The following SVEP1 variants were observed in gnomAD, a reference collection of about 807,000 sequenced individuals.
SVEP1 encodes the protein sushi, von Willebrand factor type A, EGF and pentraxin domain-containing protein 1.
A neutral mutation model predicts 367.3 loss-of-function variants in SVEP1; 164 were observed. That is an observed-to-expected ratio of 0.45 (90% CI 0.39 to 0.51). The LOEUF is 0.51. Among genes scored for constraint, SVEP1 ranks in the 20% least tolerant of loss-of-function variants. The pLI is 0.00. For synonymous variants in SVEP1, 1,666 were observed against 1,611.6 expected (o/e 1.03, Z -0.81); for missense variants, 4,117 against 4,425.3 (o/e 0.93, Z 1.98).
At chr9:110,460,462 C>CA (rs1235284630) in intron 18 of SVEP1, among the ~76,000 whole-genome samples, 1 of 152,082 alleles carries the variant, frequency 6.6e-6, no homozygotes, top group African/African-American at 2.4e-5. Context: ...TTTATAAATT[C>CA]AAAGGAGTGG....
At chr9:110,464,916 T>A (rs575229644) in intron 18 of SVEP1, among the ~76,000 whole-genome samples, 1 of 135,228 alleles carries the variant, frequency 7.4e-6, no homozygotes, top group African/African-American at 3.1e-5. Context: ...ACCTTGACTG[T>A]CAGTCCTAAT....
chr9:110,447,178 C>T, intron 24 of SVEP1, 121 bp from the exon 25 acceptor site: 1 of 928,008 alleles, frequency 1.1e-6, no homozygotes. Flanking sequence ...TACACCAAAA[C>T]AGTGCTTTAA....
intron 36 of SVEP1, among the ~76,000 whole-genome samples, chr9:110,427,163 T>C (rs1044655531): frequency 2.0e-5 from 3 of 151,900 alleles, no homozygotes; most frequent in Non-Finnish European, 4.4e-5. Context: ...CCGGGTGTGG[T>C]GGCAGGCGCC....
intron 3 of SVEP1, among the ~76,000 whole-genome samples, chr9:110,531,800 A>C (rs1047192187): frequency 1.3e-5 from 2 of 152,216 alleles, no homozygotes; most frequent in African/African-American, 2.4e-5. Context: ...GAATTAAAAC[A>C]CTACCCCAAA....
At chr9:110,483,449 C>T (rs188236968) in intron 10 of SVEP1, 137 bp downstream of exon 10, 75 of 469,682 alleles carry the variant, frequency 1.6e-4, no homozygotes, top group African/African-American at 1.3e-3. Flanking sequence ...AGCATTAAAA[C>T]ATGTTAACTT....
intron 1 of SVEP1, among the ~76,000 whole-genome samples, chr9:110,577,748 AAAAAC>A (rs1306146717): frequency 2.6e-5 from 4 of 152,256 alleles, no homozygotes; most frequent in East Asian, 1.9e-4. Context: ...ATTAAGAAAA[AAAAAC>A]AAGCCAATGT....
intron 9 of SVEP1, among the ~76,000 whole-genome samples, chr9:110,484,243 G>A (rs10120506): frequency 0.18 from 27,446 of 152,156 alleles, 3,064 homozygotes; most frequent in South Asian, 0.27. Flanking sequence ...GAGGTGGAAC[G>A]CTGGAGCTAA....
intron 40 of SVEP1, among the ~76,000 whole-genome samples, chr9:110,392,241 C>T (rs1332055815): frequency 6.6e-6 from 1 of 150,584 alleles, no homozygotes; most frequent in East Asian, 1.9e-4. Flanking sequence ...ACTTAGGTTC[C>T]TTCTCTATTT....
chr9:110,465,023 T>C (rs1828913329), intron 18 of SVEP1, among the ~76,000 whole-genome samples: 1 of 152,158 alleles, frequency 6.6e-6, no homozygotes, highest in Non-Finnish European at 1.5e-5. Context: ...TAGTCAGAAA[T>C]ACTTAAAAAT....
chr9:110,412,840 G>A (rs971423982), intron 36 of SVEP1, among the ~76,000 whole-genome samples: 4 of 152,230 alleles, frequency 2.6e-5, no homozygotes, highest in African/African-American at 9.7e-5. Flanking sequence ...ACCACAATGA[G>A]ATACCATCTC....
chr9:110,571,130 C>A (rs1294721736), intron 1 of SVEP1, among the ~76,000 whole-genome samples: 2 of 151,968 alleles, frequency 1.3e-5, no homozygotes, highest in Admixed American at 6.6e-5. Flanking sequence ...GCATGTGCCA[C>A]CACAGATGGC....
chr9:110,519,825 T>C (rs920912736), intron 3 of SVEP1, among the ~76,000 whole-genome samples: 2 of 152,180 alleles, frequency 1.3e-5, no homozygotes, highest in African/African-American at 4.8e-5. Context: ...GTTGCAATCT[T>C]GGCTCTTCCA....
intron 45 of SVEP1, among the ~76,000 whole-genome samples, chr9:110,376,650 T>C (rs1301505795): frequency 6.6e-6 from 1 of 152,220 alleles, no homozygotes; most frequent in African/African-American, 2.4e-5. Flanking sequence ...TGTTGAAATA[T>C]GAAACCATTT....
chr9:110,527,190 T>C (rs1185333650), intron 3 of SVEP1, among the ~76,000 whole-genome samples: 2 of 152,060 alleles, frequency 1.3e-5, no homozygotes, highest in Admixed American at 1.3e-4. Flanking sequence ...GGGAAAATGA[T>C]ATAGAGGATA....
At chr9:110,505,851 G>T (rs12683869) in intron 5 of SVEP1, among the ~76,000 whole-genome samples, 51,550 of 150,696 alleles carry the variant, frequency 0.34, 9,484 homozygotes, top group Non-Finnish European at 0.4. Flanking sequence ...TAAGTTCTGG[G>T]GTACAGGTGC....
At chr9:110,526,665 T>A (rs1287077513) in intron 3 of SVEP1, among the ~76,000 whole-genome samples, 1 of 152,132 alleles carries the variant, frequency 6.6e-6, no homozygotes, top group Non-Finnish European at 1.5e-5. Context: ...AATCCCACAA[T>A]TACATTCCTG....
rs561023772 is a variant in SVEP1 at position 110,448,698 on chromosome 9, G to A, written c.4103+1361C>T. Among the ~76,000 whole-genome samples, 159 of 152,242 alleles carry A rather than the reference G, an allele frequency of 1.0e-3. 1 individual carries two copies. Among genetic ancestry groups the A allele is most frequent in the Admixed American group, 2.2e-3 (34 of 15,276 alleles). On this transcript the variant is annotated intron_variant, in intron 24 of 47. Coordinates refer to ENST00000374469, the MANE Select transcript of SVEP1 (RefSeq NM_153366.4). ...TCTAGTTAGGATTTAGACAACTTTG[G>A]TATTCATCAATCGTTTTAAACCCAG...
chr9:110,479,461 T>A (rs1438438688), intron 13 of SVEP1, among the ~76,000 whole-genome samples, 174 bp downstream of exon 13: 1 of 152,234 alleles, frequency 6.6e-6, no homozygotes, highest in Non-Finnish European at 1.5e-5. Flanking sequence ...TAATGCATAT[T>A]TACTTCTAAG....
At chr9:110,525,784 T>A (rs1003686702) in intron 3 of SVEP1, among the ~76,000 whole-genome samples, 14 of 151,964 alleles carry the variant, frequency 9.2e-5, no homozygotes, top group African/African-American at 1.9e-4. Context: ...TTTACTTTTT[T>A]AAAAAAATTA....
Sources: gnomAD v4.1 joint callset for allele counts (sites outside exome capture counted in the v4.1 genomes callset) on GRCh38, gnomAD v4.1.1 for gene constraint, MANE v1.5 for transcripts, NCBI Gene and HGNC (gene_info 2026-07-23, HGNC 2026-07-21) for gene names.